The following PLXDC2 variants were observed in gnomAD, a reference collection of about 807,000 sequenced individuals.
The protein encoded by PLXDC2 is plexin domain containing 2.
Under a neutral mutation model 68.9 loss-of-function variants are expected in PLXDC2, and 40 were observed. That is an observed-to-expected ratio of 0.58 (90% CI 0.45 to 0.76). PLXDC2 has a LOEUF of 0.76. Ranked by LOEUF, PLXDC2 falls within the 30% of genes least tolerant of loss-of-function variation. PLXDC2 has a pLI of 0.00. For missense variants in PLXDC2, 644 were observed against 661.9 expected, an observed-to-expected ratio of 0.97 and a Z score of 0.30; for synonymous variants, 243 against 234.2, an observed-to-expected ratio of 1.04 and a Z score of -0.34.
At chr10:20,044,901 C>A (rs189351942) in intron 2 of PLXDC2, among the ~76,000 whole-genome samples, 9 of 152,184 alleles carry the variant, frequency 5.9e-5, no homozygotes, top group African/African-American at 2.2e-4. Context: ...TGGTGAAGCC[C>A]AATATACACA....
chr10:20,149,933 A>G (rs1262583936), intron 6 of PLXDC2, among the ~76,000 whole-genome samples: 1 of 152,140 alleles, frequency 6.6e-6, no homozygotes, highest in African/African-American at 2.4e-5. Context: ...TTTAATTAAT[A>G]GAGTTTACTT....
At chr10:19,849,397 A>G (rs772581658) in intron 1 of PLXDC2, among the ~76,000 whole-genome samples, 63 of 152,302 alleles carry the variant, frequency 4.1e-4, no homozygotes, top group Middle Eastern at 3.4e-3. Context: ...ATAATATGAT[A>G]CATGATATAG....
chr10:20,229,153 T>C, intron 12 of PLXDC2, among the ~76,000 whole-genome samples: 1 of 152,064 alleles, frequency 6.6e-6, no homozygotes, highest in East Asian at 1.9e-4. Flanking sequence ...TGAAGTGATA[T>C]ATCCACAAGC....
At chr10:20,115,381 T>C (rs1833608760) in intron 4 of PLXDC2, among the ~76,000 whole-genome samples, 1 of 152,202 alleles carries the variant, frequency 6.6e-6, no homozygotes, top group Non-Finnish European at 1.5e-5. Flanking sequence ...AGCCACACAC[T>C]GGAGCTGTTT....
chr10:20,255,043 G>A (rs11011913), intron 13 of PLXDC2, among the ~76,000 whole-genome samples: 37,669 of 151,868 alleles, frequency 0.25, 4,848 homozygotes, highest in African/African-American at 0.31. Context: ...CCTTCATTGG[G>A]GAGAATTACT....
At chr10:19,887,356 A>G (rs2131356595) in intron 1 of PLXDC2, among the ~76,000 whole-genome samples, 1 of 152,236 alleles carries the variant, frequency 6.6e-6, no homozygotes, top group African/African-American at 2.4e-5. Context: ...CCCTGTCTCT[A>G]CTAAAAATAC....
rs1348618743 is a variant in PLXDC2 at position 20,183,940 on chromosome 10, A to T, written c.1061+6531A>T. Among the ~76,000 whole-genome samples, 3 of 152,026 alleles carry T rather than the reference A, an allele frequency of 2.0e-5. No homozygotes were observed. The East Asian group carries it at 5.8e-4, about 30-fold the overall frequency. On this transcript the variant is annotated intron_variant, in intron 9 of 13. Coordinates refer to ENST00000377252, the MANE Select transcript of PLXDC2 (RefSeq NM_032812.9). ...ACTTTAAAACAAAATTTTCCACCTC[A>T]TATTTTCTTTGATCCAATCAAAGTT...
intron 2 of PLXDC2, among the ~76,000 whole-genome samples, chr10:20,032,697 A>G (rs1016729206): frequency 6.6e-6 from 1 of 151,814 alleles, no homozygotes; most frequent in African/African-American, 2.4e-5. Flanking sequence ...GTTATATAGA[A>G]CTGGTTTTAT....
chr10:19,861,066 GCT>G (rs1221558488), intron 1 of PLXDC2, among the ~76,000 whole-genome samples: 1 of 146,578 alleles, frequency 6.8e-6, no homozygotes, highest in Non-Finnish European at 1.5e-5. Context: ...GTGGAGTCTT[GCT>G]CTGTCTCTCA....
At chr10:20,005,503 G>A (rs1344052675) in intron 2 of PLXDC2, among the ~76,000 whole-genome samples, 1 of 152,100 alleles carries the variant, frequency 6.6e-6, no homozygotes, top group Non-Finnish European at 1.5e-5. Context: ...CCGAGACTGG[G>A]TAATTCATAA....
intron 4 of PLXDC2, chr10:20,091,591 C>A (rs1273819055): frequency 6.6e-6 from 1 of 152,132 alleles, no homozygotes; most frequent in Non-Finnish European, 1.5e-5. Context: ...GAAGGCTGTT[C>A]ATTTCCCCTT....
chr10:19,989,403 C>A (rs1405057639), intron 1 of PLXDC2, among the ~76,000 whole-genome samples: 1 of 152,072 alleles, frequency 6.6e-6, no homozygotes, highest in Non-Finnish European at 1.5e-5. Flanking sequence ...AAAATGTTAA[C>A]AATTCAGTAA....
chr10:19,915,061 T>C (rs1833340808), intron 1 of PLXDC2, among the ~76,000 whole-genome samples: 2 of 152,172 alleles, frequency 1.3e-5, no homozygotes, highest in Admixed American at 1.3e-4. Context: ...TTTTTTTAAA[T>C]TTACTCTACC....
intron 1 of PLXDC2, among the ~76,000 whole-genome samples, chr10:19,889,726 A>G (rs1357319052): frequency 1.3e-5 from 2 of 152,216 alleles, no homozygotes; most frequent in Admixed American, 6.5e-5. Context: ...AATTTTAGAC[A>G]TCCACAGGCA....
At chr10:20,259,061 A>G (rs1259707631) in intron 13 of PLXDC2, among the ~76,000 whole-genome samples, 1 of 152,020 alleles carries the variant, frequency 6.6e-6, no homozygotes, top group Non-Finnish European at 1.5e-5. Flanking sequence ...AATCTTAATC[A>G]GGATGAGCTA....
intron 1 of PLXDC2, among the ~76,000 whole-genome samples, chr10:19,880,367 A>C (rs560883394): frequency 6.6e-6 from 1 of 152,224 alleles, no homozygotes; most frequent in Non-Finnish European, 1.5e-5. Context: ...CTGTACATAC[A>C]TGCCTATGAT....
At chr10:20,072,612 G>A (rs1331676169) in intron 4 of PLXDC2, among the ~76,000 whole-genome samples, 1 of 152,136 alleles carries the variant, frequency 6.6e-6, no homozygotes, top group Non-Finnish European at 1.5e-5. Flanking sequence ...TCTTAGAGAA[G>A]TAGATCTGGC....
chr10:20,102,080 CA>C (rs1833430968), intron 4 of PLXDC2, among the ~76,000 whole-genome samples: 1 of 152,124 alleles, frequency 6.6e-6, no homozygotes, highest in African/African-American at 2.4e-5. Flanking sequence ...AGATTACAGG[CA>C]TGAGCCACTG....
At chr10:20,274,055 AGGAAG>A (rs1398336850) in intron 13 of PLXDC2, among the ~76,000 whole-genome samples, 6 of 139,396 alleles carry the variant, frequency 4.3e-5, no homozygotes, top group Admixed American at 7.1e-5. Context: ...AAGACGGGAA[AGGAAG>A]GGAAGGGAAG....
Sources: gnomAD v4.1 joint callset for allele counts (sites outside exome capture counted in the v4.1 genomes callset) on GRCh38, gnomAD v4.1.1 for gene constraint, MANE v1.5 for transcripts, NCBI Gene and HGNC (gene_info 2026-07-23, HGNC 2026-07-21) for gene names.